The following MCUB variants were observed in gnomAD, a reference collection of about 807,000 sequenced individuals.
MCUB encodes calcium uniporter regulatory subunit MCUb, mitochondrial.
In MCUB, 46 loss-of-function variants were observed where a neutral mutation model predicts 41.4. That is an observed-to-expected ratio of 1.11 (90% CI 0.88 to 1.42). The LOEUF is 1.42. Among genes scored for constraint, MCUB ranks in the 40% most tolerant of loss-of-function variants. The probability of loss-of-function intolerance (pLI) is 0.00; values close to 1 mark genes in which losing one functional copy is unlikely to be tolerated. For missense variants in MCUB, 403 were observed against 404.9 expected (o/e 1.00, Z 0.04); for synonymous variants, 148 against 148.2 (o/e 1.00, Z 0.01).
At chr4:109,678,727 G>A (rs377204932) in intron 4 of MCUB, among the ~76,000 whole-genome samples, 9 of 140,100 alleles carry the variant, frequency 6.4e-5, no homozygotes, top group South Asian at 4.6e-4. Flanking sequence ...AAGCAGAGGC[G>A]CTCCCCACAT....
intron 4 of MCUB, chr4:109,673,878 T>G: frequency 1.3e-6 from 1 of 772,722 alleles, no homozygotes; most frequent in Non-Finnish European, 2.4e-6. Flanking sequence ...TTCCTTCATA[T>G]GAGGAATATC....
intron 1 of MCUB, among the ~76,000 whole-genome samples, chr4:109,563,822 C>T (rs1025001429): frequency 6.6e-6 from 1 of 152,174 alleles, no homozygotes; most frequent in South Asian, 2.1e-4. Flanking sequence ...CTCCTGACCT[C>T]GTGATCCTCC....
At chr4:109,597,299 G>A (rs1286957906) in intron 1 of MCUB, among the ~76,000 whole-genome samples, 1 of 151,662 alleles carries the variant, frequency 6.6e-6, no homozygotes, top group Non-Finnish European at 1.5e-5. Context: ...TCACTTCCCA[G>A]TAGGGGCGGC....
Position 109,634,953 on chromosome 4 carries a change from C to A in MCUB, c.100-24058C>A, listed in dbSNP as rs117941912. On this transcript the variant is annotated intron_variant, in intron 1 of 7. Coordinates refer to ENST00000394650, the MANE Select transcript of MCUB (RefSeq NM_017918.5). Reference sequence around the variant, plus strand: ...TTTCTCCTAATGCTCTCTCCCCTAGCCCCCCAACCCCCTGATAGGCCCCAG... The same window carrying A: ...TTTCTCCTAATGCTCTCTCCCCTAGACCCCCAACCCCCTGATAGGCCCCAG... Among the ~76,000 whole-genome samples, 548 of 151,950 alleles carry A rather than the reference C, an allele frequency of 3.6e-3. 7 individuals are homozygous for A. The highest frequency in any genetic ancestry group is 0.013 in the East Asian group (67 of 5,152).
chr4:109,661,487 T>C (rs756492231), intron 3 of MCUB, among the ~76,000 whole-genome samples: 1 of 152,234 alleles, frequency 6.6e-6, no homozygotes, highest in Middle Eastern at 3.4e-3. Context: ...ATTGAGCACC[T>C]AATGTATGTC....
intron 1 of MCUB, among the ~76,000 whole-genome samples, chr4:109,638,335 C>T (rs935454406): frequency 6.7e-6 from 1 of 149,452 alleles, no homozygotes; most frequent in Non-Finnish European, 1.5e-5. Flanking sequence ...CCAGCCTGGG[C>T]AACAGAGCGA....
rs550854412 is a variant in MCUB at position 109,663,126 on chromosome 4, T to C, written c.347-1164T>C. ...AGTGTTAGTCCTGTCATCACACATA[T>C]TAATATAGCTAAAATAGCTCGGGTT... On this transcript the variant is annotated intron_variant, in intron 3 of 7. Coordinates refer to ENST00000394650, the MANE Select transcript of MCUB (RefSeq NM_017918.5). Among the ~76,000 whole-genome samples, 4 of 152,290 alleles carry C rather than the reference T, an allele frequency of 2.6e-5. No homozygotes were observed. The East Asian group carries it at 5.8e-4, about 22-fold the overall frequency.
Position 109,682,678 on chromosome 4 carries a change from A to G in MCUB, c.548A>G (p.Lys183Arg), listed in dbSNP as rs1729746044. 2 of 1,613,432 alleles carry G rather than the reference A, an allele frequency of 1.2e-6. No homozygotes were observed. The highest frequency in any genetic ancestry group is 2.7e-5 in the African/African-American group (2 of 74,924). Residue 183 changes from lysine (K) to arginine (R), a missense_variant, in exon 5 of 8, where the codon AAG becomes AGG. Transcript: ENST00000394650. ...TILHLEESQK[K>R]REHHLLEKID... ...TTGCATTTAGAAGAGTCTCAGAAAA[A>G]GAGAGAGCACCATTTACTGGAGAAA...
In MCUB at chr4:109,635,949, A is replaced by G. The variant is rs1445549331; in HGVS notation, c.100-23062A>G. On this transcript the variant is annotated intron_variant, in intron 1 of 7. Coordinates refer to ENST00000394650, the MANE Select transcript of MCUB (RefSeq NM_017918.5). The stretch of plus-strand genomic sequence containing the variant: ...TATGCAATTAATTATTTTGGTTTAC[A>G]CTTAGGAGTAGAATTTCTGGGTCAT... Among the ~76,000 whole-genome samples, 3 of 152,234 alleles carry G rather than the reference A, an allele frequency of 2.0e-5. No homozygotes were observed. In the East Asian group the frequency reaches 5.8e-4, roughly 29 times the overall value.
chr4:109,569,022 A>G (rs1038773426), intron 1 of MCUB, among the ~76,000 whole-genome samples: 6 of 152,184 alleles, frequency 3.9e-5, no homozygotes, highest in African/African-American at 1.4e-4. Context: ...TATACATATT[A>G]CATTTTCTAT....
At chr4:109,579,382 T>C (rs1333945759) in intron 1 of MCUB, among the ~76,000 whole-genome samples, 1 of 152,112 alleles carries the variant, frequency 6.6e-6, no homozygotes, top group Non-Finnish European at 1.5e-5. Context: ...CCTGAGTAGC[T>C]GGGACTACAG....
intron 1 of MCUB, among the ~76,000 whole-genome samples, chr4:109,643,283 C>T (rs1728762384): frequency 6.7e-6 from 1 of 149,634 alleles, no homozygotes; most frequent in South Asian, 2.1e-4. Context: ...CCTCCGGATT[C>T]AAGCAATTCT....
chr4:109,608,365 A>G lies in MCUB; in HGVS notation c.99+47929A>G, dbSNP rs149720877. The stretch of plus-strand genomic sequence containing the variant: ...GAGATACCTGTCTGAAAGGTCATGT[A>G]TCTCTGTTTCTTCAGGATTTGTCTC... On this transcript the variant is annotated intron_variant, in intron 1 of 7. Coordinates refer to ENST00000394650, the MANE Select transcript of MCUB (RefSeq NM_017918.5). 7.8e-3 allele frequency among the ~76,000 whole-genome samples: 1,185 copies of G among 152,188 alleles called. 19 individuals are homozygous for G. Among genetic ancestry groups the G allele is most frequent in the Middle Eastern group, 0.034 (10 of 294 alleles).
chr4:109,629,874 A>T (rs1348502084), intron 1 of MCUB, among the ~76,000 whole-genome samples: 2 of 152,198 alleles, frequency 1.3e-5, no homozygotes, highest in Non-Finnish European at 2.9e-5. Context: ...ACGTTTGGCC[A>T]TTGGTGATCA....
At chr4:109,625,914 T>G (rs1481134958) in intron 1 of MCUB, among the ~76,000 whole-genome samples, 1 of 152,224 alleles carries the variant, frequency 6.6e-6, no homozygotes, top group Non-Finnish European at 1.5e-5. Flanking sequence ...AATTTTTGTT[T>G]AGGTTGTTGT....
chr4:109,613,061 A>G (rs371230646), intron 1 of MCUB, among the ~76,000 whole-genome samples: 7 of 151,934 alleles, frequency 4.6e-5, no homozygotes, highest in South Asian at 2.1e-4. Context: ...AGCCGAGATC[A>G]CACCACTGCA....
At chr4:109,610,930 TC>T (rs756584255) in intron 1 of MCUB, among the ~76,000 whole-genome samples, 10 of 152,136 alleles carry the variant, frequency 6.6e-5, no homozygotes, top group African/African-American at 1.2e-4. Context: ...CGTACCCAGA[TC>T]CATAGGCCTG....
At chr4:109,616,079 G>T (rs937029716) in intron 1 of MCUB, among the ~76,000 whole-genome samples, 26 of 152,232 alleles carry the variant, frequency 1.7e-4, no homozygotes, top group Admixed American at 7.9e-4. Context: ...AAGGATATAT[G>T]TGAAATGATG....
intron 1 of MCUB, among the ~76,000 whole-genome samples, chr4:109,620,211 T>C (rs1402018749): frequency 2.6e-5 from 4 of 152,076 alleles, no homozygotes; most frequent in Non-Finnish European, 5.9e-5. Context: ...CTAACTGCAA[T>C]GTAAATTTAA....
Sources: gnomAD v4.1 joint callset for allele counts (sites outside exome capture counted in the v4.1 genomes callset) on GRCh38, gnomAD v4.1.1 for gene constraint, MANE v1.5 for transcripts, NCBI Gene and HGNC (gene_info 2026-07-23, HGNC 2026-07-21) for gene names.